PTK6: variants seen among roughly 807,000 people sequenced by gnomAD.
PTK6 encodes the protein protein tyrosine kinase 6.
In PTK6, 47 loss-of-function variants were observed where a neutral mutation model predicts 47.5. That is an observed-to-expected ratio of 0.99 (90% CI 0.78 to 1.26). The LOEUF is 1.26. Ranked by LOEUF, PTK6 falls within the 50% of genes most tolerant of loss-of-function variation. The probability of loss-of-function intolerance (pLI) is 0.00; values close to 1 mark genes in which losing one functional copy is unlikely to be tolerated. For missense variants in PTK6, 618 were observed against 625.3 expected (o/e 0.99, Z 0.12); for synonymous variants, 287 against 276.5 (o/e 1.04, Z -0.38).
Position 63,529,654 on chromosome 20 carries a change from G to A in PTK6, c.1238C>T (p.Pro413Leu), listed in dbSNP as rs776465810. The A allele has an allele frequency of 1.0e-5, 16 of 1,547,626 alleles. No individual in the cohort carries two copies. The African/African-American group carries it at 1.2e-4, about 12-fold the overall frequency. ...CAGCATCAGCTTGTGCACGCTGGGC[G>A]GGCACTCCAGAGGGCAGGGCATGCG... Reference protein sequence around the residue: ...GYRMPCPLECPPSVHKLMLTC... With the variant: ...GYRMPCPLECLPSVHKLMLTC... Residue 413 changes from proline (P) to leucine (L), a missense_variant, in exon 8 of 8, where the codon CCG becomes CTG. By Grantham distance (98) the Pro-to-Leu change is moderately conservative (BLOSUM62 -3). Coordinates refer to ENST00000542869, the MANE Select transcript of PTK6 (RefSeq NM_005975.4). This position sits in a 1 kb window ranked among gnomAD's most constrained non-coding sequence, Gnocchi z 5.6.
chr20:63,535,321 T>C (rs1315399225), intron 1 of PTK6, among the ~76,000 whole-genome samples: 1 of 151,760 alleles, frequency 6.6e-6, no homozygotes, highest in Non-Finnish European at 1.5e-5. Flanking sequence ...AGTCTAGGGG[T>C]CAGAGCCTAG....
At chr20:63,531,410 G>T in intron 5 of PTK6, among the ~76,000 whole-genome samples, 1 of 109,554 alleles carries the variant, frequency 9.1e-6, no homozygotes, top group East Asian at 2.8e-4. Flanking sequence ...GACAGAGCCA[G>T]ACTCCGTCTC....
At chr20:63,531,437 A>AAAAAATAT (rs1311835682) in intron 5 of PTK6, among the ~76,000 whole-genome samples, 2 of 94,922 alleles carry the variant, frequency 2.1e-5, no homozygotes. Context: ...AAAAAAAAAA[A>AAAAAATAT]ATATATATAT....
intron 5 of PTK6, among the ~76,000 whole-genome samples, chr20:63,531,437 A>ATAT (rs1555885798): frequency 2.2e-4 from 21 of 94,908 alleles, no homozygotes; most frequent in Admixed American, 7.0e-4. Flanking sequence ...AAAAAAAAAA[A>ATAT]ATATATATAT....
Position 63,530,005 on chromosome 20 carries a change from G to C in PTK6, c.1168+73C>G, listed in dbSNP as rs1323178186. The C allele has an allele frequency of 5.1e-6, 8 of 1,557,272 alleles. No homozygotes were observed. The South Asian group carries it at 9.0e-5, about 18-fold the overall frequency. On this transcript the variant is annotated intron_variant, in intron 7 of 7. Transcript: ENST00000542869. The surrounding 1 kb of genome is among the most constrained non-coding windows in gnomAD (Gnocchi z 4.1). Reference sequence around the variant, plus strand: ...AAGCCCGTGGGGGAGGCACCCCCCAGCGTCCCTGCCGGCTACCCAGGACCT... The same window carrying C: ...AAGCCCGTGGGGGAGGCACCCCCCACCGTCCCTGCCGGCTACCCAGGACCT...
intron 5 of PTK6, 73 bp downstream of exon 5, chr20:63,532,453 G>T (rs1028304552): frequency 6.4e-6 from 9 of 1,399,500 alleles, no homozygotes; most frequent in African/African-American, 4.8e-5. Context: ...GTAGACGTGG[G>T]GGGGGGGTGT....
intron 1 of PTK6, among the ~76,000 whole-genome samples, chr20:63,535,439 C>T (rs575497711): frequency 1.7e-4 from 26 of 151,244 alleles, no homozygotes; most frequent in Admixed American, 6.5e-4. Flanking sequence ...CCCACACATG[C>T]GCACAGTTCA....
intron 1 of PTK6, 90 bp downstream of exon 1, chr20:63,536,995 T>C: frequency 7.3e-7 from 1 of 1,376,548 alleles, no homozygotes; most frequent in Admixed American, 2.5e-5. Context: ...CCCACCTTCT[T>C]GGGCCTCCCT....
chr20:63,537,309 C>G lies in PTK6; in HGVS notation c.6G>C (p.Val2=), dbSNP rs753918613. 1 of 1,609,172 alleles carries G rather than the reference C, an allele frequency of 6.2e-7. No individual in the cohort carries two copies. The highest frequency in any genetic ancestry group is 1.1e-5 in the South Asian group (1 of 90,796). The change falls in exon 1 of 8, where the codon GTG becomes GTC. Residue 2 remains valine, a synonymous_variant. Transcript: ENST00000542869. The part of the protein sequence containing the change: M[V]SRDQAHLGPK... Reference sequence around the variant, plus strand: ...GGCCCAGGTGAGCCTGGTCCCGGGACACCATGGCGGGCGGGCGCAGCGGCA... The same window carrying G: ...GGCCCAGGTGAGCCTGGTCCCGGGAGACCATGGCGGGCGGGCGCAGCGGCA...
chr20:63,532,665 C>T lies in PTK6; in HGVS notation c.693G>A (p.Met231Ile). The change falls in exon 5 of 8, where the codon ATG becomes ATA. Residue 231 changes from methionine (M) to isoleucine (I), a missense_variant. By Grantham distance (10) the Met-to-Ile change is conservative. Coordinates refer to ENST00000542869, the MANE Select transcript of PTK6 (RefSeq NM_005975.4). Reference sequence around the variant, plus strand: ...TCATGGCCTGGATCTCCGACTGCAGCATCTGCTGGTGCAGGAGGTTGTCTG... The same window carrying T: ...TCATGGCCTGGATCTCCGACTGCAGTATCTGCTGGTGCAGGAGGTTGTCTG... ...ISRDNLLHQQ[M>I]LQSEIQAMKK... is the part of the protein sequence containing the mutation. 6.2e-7 allele frequency: 1 copy of T among 1,614,064 alleles called. No individual in the cohort carries two copies. Among genetic ancestry groups the T allele is most frequent in the Non-Finnish European group, 8.5e-7 (1 of 1,180,008 alleles).
Position 63,533,546 on chromosome 20 carries a change from C to G in PTK6, c.670+5G>C, listed in dbSNP as rs760688295. On this transcript the variant is annotated splice_donor_5th_base_variant and intron_variant, in intron 4 of 7. Coordinates refer to ENST00000542869, the MANE Select transcript of PTK6 (RefSeq NM_005975.4). This position sits in a 1 kb window ranked among gnomAD's most constrained non-coding sequence, Gnocchi z 4.0. Reference sequence around the variant, plus strand: ...CACACAGAGCCCTGATCGGGGCCCACTCACCTCGAGAAATCACCTTAATGG... The same window carrying G: ...CACACAGAGCCCTGATCGGGGCCCAGTCACCTCGAGAAATCACCTTAATGG... 1 of 1,602,384 alleles carries G rather than the reference C, an allele frequency of 6.2e-7. No individual in the cohort carries two copies. The highest frequency in any genetic ancestry group is 1.1e-5 in the South Asian group (1 of 89,642).
chr20:63,532,264 GTGTATGTC>G (rs1329321443), intron 5 of PTK6, among the ~76,000 whole-genome samples: 5 of 140,982 alleles, frequency 3.5e-5, no homozygotes, highest in African/African-American at 1.6e-4. Context: ...CTGTGTCTAT[GTGTATGTC>G]TGTGTGTGTC....
chr20:63,528,944 C>G lies in PTK6; in HGVS notation c.*592G>C, dbSNP rs1182754080. ...ACAAAGGTGAAGGTGGGAAAAGCCC[C>G]TTGTGGACGTGGACGGTGAAACTGA... is the stretch of plus-strand genomic sequence containing the variant. On this transcript the variant is annotated 3_prime_UTR_variant, in exon 8 of 8. Transcript: ENST00000542869. The G allele has an allele frequency of 6.6e-6, 1 of 152,228 alleles. No homozygotes were observed. Among genetic ancestry groups the G allele is most frequent in the Non-Finnish European group, 1.5e-5 (1 of 68,112 alleles). 9.4% of individuals were successfully genotyped at this position (152,228 alleles called of 1,614,324 possible).
chr20:63,533,442 G>A lies in PTK6; in HGVS notation c.670+109C>T, dbSNP rs113689887. On this transcript the variant is annotated intron_variant, in intron 4 of 7. Coordinates refer to ENST00000542869, the MANE Select transcript of PTK6 (RefSeq NM_005975.4). The surrounding 1 kb of genome is among the most constrained non-coding windows in gnomAD (Gnocchi z 4.0). ...GAAAGGGAACCACTCTCGCATGGAC[G>A]CTGTGGGTGCTGCTTGGGGCTCGAG... The A allele has an allele frequency of 0.028, 36,667 of 1,308,824 alleles. 6,834 individuals carry two copies. In the African/African-American group the frequency reaches 0.45, roughly 16 times the overall value. The allele number at this position is 1,308,824 out of a possible 1,614,324, so 81.1% of individuals were successfully genotyped here. A position where few individuals can be genotyped will look rare whatever the true frequency, so the allele number is the denominator to read the frequency against.
At chr20:63,532,355 CTG>C (rs1200462020) in intron 5 of PTK6, among the ~76,000 whole-genome samples, 169 bp downstream of exon 5, 4 of 143,092 alleles carry the variant, frequency 2.8e-5, no homozygotes, top group Non-Finnish European at 3.0e-5. Flanking sequence ...GCATGTGTGT[CTG>C]TGCGTGTGTG....
intron 2 of PTK6, 148 bp downstream of exon 2, chr20:63,534,790 C>T: frequency 2.4e-6 from 3 of 1,235,840 alleles, no homozygotes; most frequent in African/African-American, 1.5e-5. Flanking sequence ...GAGGAGCGGG[C>T]CAGGTGGGCG....
In PTK6 at chr20:63,533,531, C is replaced by T; in HGVS notation, c.670+20G>A. The T allele has an allele frequency of 1.9e-6, 3 of 1,589,326 alleles. No individual in the cohort carries two copies. The highest frequency in any genetic ancestry group is 1.7e-6 in the Non-Finnish European group (2 of 1,165,294). On this transcript the variant is annotated intron_variant, in intron 4 of 7. Transcript: ENST00000542869. The surrounding 1 kb of genome is among the most constrained non-coding windows in gnomAD (Gnocchi z 4.0). ...GGGCAGGCACGGGGCCACACAGAGC[C>T]CTGATCGGGGCCCACTCACCTCGAG...
In PTK6 at chr20:63,534,264, C is replaced by G; in HGVS notation, c.404G>C (p.Gly135Ala). Residue 135 changes from glycine to alanine, a missense_variant, in exon 3 of 8, where the codon GGC (glycine) becomes GCC (alanine). By Grantham distance (60) the Gly-to-Ala change is moderately conservative. Transcript: ENST00000542869. ...CACCGCCTCGTTCAGGTGCAGCCGG[C>G]CCCCGGCACGCCGCCAGATCTTGTA... ...RHYKIWRRAG[G>A]RLHLNEAVSF... 6.2e-7 allele frequency: 1 copy of G among 1,608,282 alleles called. No individual in the cohort carries two copies.
chr20:63,532,403 GT>G lies in PTK6; in HGVS notation c.832+122del. 4 of 1,259,290 alleles carry G rather than the reference GT, an allele frequency of 3.2e-6. No homozygotes were observed. The South Asian group carries it at 4.2e-5, about 13-fold the overall frequency. The allele number at this position is 1,259,290 out of a possible 1,614,324, so 78.0% of individuals were successfully genotyped here. ...TCTGTGTCTGTGTCTGTGTGTGCAT[GT>G]GTGTGTCTGTGTGTCTGTGTGTCTA... On this transcript the variant is annotated intron_variant, in intron 5 of 7. Coordinates refer to ENST00000542869, the MANE Select transcript of PTK6 (RefSeq NM_005975.4).
Sources: allele counts gnomAD v4.1 joint callset (sites outside exome capture counted in the v4.1 genomes callset), GRCh38; gene constraint gnomAD v4.1.1; non-coding constraint Gnocchi (gnomAD v3.1); transcripts MANE v1.5; gene names NCBI Gene and HGNC (gene_info 2026-07-23, HGNC 2026-07-21).